EPHX2: variants seen among roughly 807,000 people sequenced by gnomAD.
EPHX2 encodes epoxide hydrolase 2.
Under a neutral mutation model 78.7 loss-of-function variants are expected in EPHX2, and 74 were observed. The ratio of observed to expected loss-of-function variants is 0.94; its 90% CI spans 0.78 to 1.14. The LOEUF (loss-of-function observed/expected upper bound fraction) is 1.14. Among genes scored for constraint, EPHX2 ranks in the 50% most tolerant of loss-of-function variants. EPHX2 has a pLI of 0.00. For synonymous variants in EPHX2, 251 were observed against 255.2 expected, an observed-to-expected ratio of 0.98 and a Z score of 0.16; for missense variants, 715 against 702.5, an observed-to-expected ratio of 1.02 and a Z score of -0.20.
At chr8:27,527,257 T>C (rs1814879561) in intron 12 of EPHX2, among the ~76,000 whole-genome samples, 1 of 151,996 alleles carries the variant, frequency 6.6e-6, no homozygotes, top group African/African-American at 2.4e-5. Flanking sequence ...AGAGACGGGG[T>C]TTCACCATGT....
At chr8:27,507,066 A>G (rs1207863712) in intron 5 of EPHX2, 72 bp downstream of exon 5, 4 of 1,569,264 alleles carry the variant, frequency 2.5e-6, no homozygotes, top group Non-Finnish European at 3.5e-6. Context: ...GAAAACCACG[A>G]GCAGAGAAGC....
chr8:27,538,580 T>C, intron 13 of EPHX2, 79 bp from the exon 14 acceptor site: 1 of 1,362,824 alleles, frequency 7.3e-7, no homozygotes, highest in Non-Finnish European at 1.0e-6. Flanking sequence ...TCATTTGTCG[T>C]AACAGGGTTT....
intron 12 of EPHX2, among the ~76,000 whole-genome samples, chr8:27,531,540 A>G (rs1815042151): frequency 6.6e-6 from 1 of 152,132 alleles, no homozygotes; most frequent in South Asian, 2.1e-4. Context: ...AGACTTCCAG[A>G]GGAATTGGAG....
chr8:27,536,574 C>T (rs528469948), intron 12 of EPHX2, among the ~76,000 whole-genome samples: 2 of 152,170 alleles, frequency 1.3e-5, no homozygotes, highest in South Asian at 2.1e-4. Flanking sequence ...ACCTGCCTCC[C>T]GTGGGGAACT....
At chr8:27,526,524 G>A (rs552967567) in intron 12 of EPHX2, among the ~76,000 whole-genome samples, 9 of 152,334 alleles carry the variant, frequency 5.9e-5, no homozygotes, top group African/African-American at 2.2e-4. Context: ...GACTATGGGT[G>A]TGGTGTGTGG....
rs1814030606 is a variant in EPHX2 at position 27,506,922 on chromosome 8, G to A, written c.588G>A (p.Leu196=). The A allele has an allele frequency of 6.2e-7, 1 of 1,613,980 alleles. No individual in the cohort carries two copies. Among genetic ancestry groups the A allele is most frequent in the African/African-American group, 1.3e-5 (1 of 74,916 alleles). Residue 196 remains leucine (L), a synonymous_variant, in exon 5 of 19, where the codon TTG becomes TTA. Transcript: ENST00000521400. ...IGANLKPARD[L]GMVTILVQDT... ...CTAATCTGAAGCCAGCCCGTGACTT[G>A]GGAATGGTCACCATCCTGGTCCAGG...
downstream of EPHX2, among the ~76,000 whole-genome samples, chr8:27,546,081 G>C (rs72478913): frequency 6.7e-6 from 1 of 149,680 alleles, no homozygotes; most frequent in Non-Finnish European, 1.5e-5. Context: ...AAATGTTCTC[G>C]TCGCGCCACT....
chr8:27,507,830 G>C (rs924950833), intron 5 of EPHX2, among the ~76,000 whole-genome samples: 1 of 152,178 alleles, frequency 6.6e-6, no homozygotes, highest in Admixed American at 6.5e-5. Context: ...TTGGCTTGAA[G>C]ACAGCCACTT....
chr8:27,520,819 A>C, intron 9 of EPHX2, 64 bp from the exon 10 acceptor site: 1 of 1,604,682 alleles, frequency 6.2e-7, no homozygotes, highest in South Asian at 1.1e-5. Context: ...AGTTCAGCCC[A>C]TCATAAAGGC....
intron 5 of EPHX2, among the ~76,000 whole-genome samples, chr8:27,510,453 C>T (rs371083458): frequency 2.6e-5 from 4 of 152,160 alleles, no homozygotes; most frequent in Admixed American, 6.5e-5. Flanking sequence ...TAAGCCCTCA[C>T]GGACTCCTGA....
chr8:27,540,087 C>T (rs781630852), intron 14 of EPHX2, among the ~76,000 whole-genome samples: 7 of 152,162 alleles, frequency 4.6e-5, no homozygotes, highest in Non-Finnish European at 1.0e-4. Context: ...TGACAGGATG[C>T]AGCCACCTGG....
Position 27,523,078 on chromosome 8 carries a change from A to C in EPHX2, c.1058+570A>C, listed in dbSNP as rs547154589. Among the ~76,000 whole-genome samples the C allele has an allele frequency of 9.0e-3, 1,363 of 152,180 alleles. 18 individuals carry two copies. The highest frequency in any genetic ancestry group is 0.015 in the Non-Finnish European group (1,004 of 68,002). ...TTCAGGGCCCGAGTGGCCAGTGGGAATACAGGAGGATCCTGACTTGAGCTT... is the reference window on the plus strand; with the variant it reads ...TTCAGGGCCCGAGTGGCCAGTGGGACTACAGGAGGATCCTGACTTGAGCTT... On this transcript the variant is annotated intron_variant, in intron 11 of 18. Transcript: ENST00000521400.
chr8:27,501,331 T>TTCTTCTTCTTCTTCTTCTTCC (rs1813767358), intron 2 of EPHX2, among the ~76,000 whole-genome samples: 1 of 56,158 alleles, frequency 1.8e-5, no homozygotes, highest in Non-Finnish European at 3.5e-5. Flanking sequence ...TATTTTCTTC[T>TTCTTCTTCTTCTTCTTCTTCC]TCTTCTTCTT....
chr8:27,515,657 G>A, intron 6 of EPHX2, 61 bp from the exon 7 acceptor site: 1 of 1,415,314 alleles, frequency 7.1e-7, no homozygotes, highest in Non-Finnish European at 9.9e-7. Flanking sequence ...CAGACGCTGT[G>A]GGGCCTGGGT....
chr8:27,518,112 T>C, intron 9 of EPHX2, 40 bp downstream of exon 9: 10 of 1,573,978 alleles, frequency 6.4e-6, no homozygotes, highest in Non-Finnish European at 8.6e-6. Context: ...CATCCTGCGA[T>C]TTTTGTTGCT....
At chr8:27,494,634 C>T (rs1586425256) in intron 1 of EPHX2, among the ~76,000 whole-genome samples, 1 of 152,186 alleles carries the variant, frequency 6.6e-6, no homozygotes, top group African/African-American at 2.4e-5. Flanking sequence ...ATTCTTTGTT[C>T]CCCCAGAGGG....
At chr8:27,515,696 C>G in intron 6 of EPHX2, 22 bp from the exon 7 acceptor site, 3 of 1,610,562 alleles carry the variant, frequency 1.9e-6, no homozygotes, top group South Asian at 2.2e-5. Context: ...GGTCGCTGCC[C>G]TCTCCTCTTT....
At chr8:27,501,384 C>CTTCTTCTTCTTTCTTCT (rs1813786915) in intron 2 of EPHX2, among the ~76,000 whole-genome samples, 1 of 102,676 alleles carries the variant, frequency 9.7e-6, no homozygotes, top group Non-Finnish European at 2.0e-5. Flanking sequence ...TCTTCTTCTT[C>CTTCTTCTTCTTTCTTCT]TTCTTCTTCT....
chr8:27,522,070 C>T (rs1044996186), intron 10 of EPHX2, among the ~76,000 whole-genome samples: 4 of 152,006 alleles, frequency 2.6e-5, no homozygotes, highest in Non-Finnish European at 5.9e-5. Context: ...GAAGCATAAT[C>T]ATTTGATAAA....
Sources: allele counts gnomAD v4.1 joint callset (sites outside exome capture counted in the v4.1 genomes callset), GRCh38; gene constraint gnomAD v4.1.1; transcripts MANE v1.5; gene names NCBI Gene and HGNC (gene_info 2026-07-23, HGNC 2026-07-21).